The following ACTB variants were observed in gnomAD, a reference collection of about 807,000 sequenced individuals.
ACTB encodes actin beta.
A neutral mutation model predicts 30.5 loss-of-function variants in ACTB; 2 were observed. That is an observed-to-expected ratio of 0.07 (90% confidence interval 0.03 to 0.21). The LOEUF is 0.21. Among genes scored for constraint, ACTB ranks in the 10% least tolerant of loss-of-function variants. ACTB has a pLI of 1.00. For synonymous variants in ACTB, 335 were observed against 217.6 expected, an observed-to-expected ratio of 1.54 and a Z score of -4.75; for missense variants, 56 against 530.0, an observed-to-expected ratio of 0.11 and a Z score of 8.78.
chr7:5,528,978 A>G (rs2128241355), intron 3 of ACTB, 183 bp downstream of exon 3: 1 of 1,575,660 alleles, frequency 6.3e-7, no homozygotes, highest in African/African-American at 1.4e-5. Context: ...AGAGAGACAA[A>G]CACCAGAAAA....
At chr7:5,527,932 G>A (rs755943139) in intron 5 of ACTB, 41 bp from the exon 6 acceptor site, 1 of 1,613,046 alleles carries the variant, frequency 6.2e-7, no homozygotes, top group South Asian at 1.1e-5. Context: ...CCCTGGATGT[G>A]ACAGCTCCCC....
intron 1 of ACTB, among the ~76,000 whole-genome samples, chr7:5,530,151 C>A (rs1052307425): frequency 6.6e-6 from 1 of 152,012 alleles, no homozygotes; most frequent in Non-Finnish European, 1.5e-5. Context: ...GCAGTTAGCG[C>A]CCAAAGGACC....
At chr7:5,529,780 G>T in intron 1 of ACTB, 117 bp from the exon 2 acceptor site, 1 of 1,520,266 alleles carries the variant, frequency 6.6e-7, no homozygotes, top group Middle Eastern at 1.7e-4. Context: ...TGGGGACAAA[G>T]GAAGCCGGGC....
rs1009378776 is a variant in ACTB at position 5,527,906 on chromosome 7, G to GGA, written c.985-17_985-16dup. ...GGAGCAATGATCTGAGGAGGGAAGG[G>GGA]GACAGGCAGTGAGGACCCTGGATGT... is the stretch of plus-strand genomic sequence containing the variant. On this transcript the variant is annotated splice_polypyrimidine_tract_variant and intron_variant, in intron 5 of 5. Transcript: ENST00000646664. 1 of 1,612,858 alleles carries GGA rather than the reference G, an allele frequency of 6.2e-7. No individual in the cohort carries two copies. Among genetic ancestry groups the GGA allele is most frequent in the Non-Finnish European group, 8.5e-7 (1 of 1,179,042 alleles).
intron 1 of ACTB, 93 bp from the exon 2 acceptor site, chr7:5,529,756 G>A: frequency 1.9e-6 from 3 of 1,584,566 alleles, no homozygotes; most frequent in Non-Finnish European, 2.6e-6. Flanking sequence ...GGGGGCGCCG[G>A]CGCGCGCCCA....
rs1414665226 is a variant in ACTB, at chr7:5,529,550, C to T, written c.108G>A (p.Gly36=). Residue 36 remains glycine, a synonymous_variant, in exon 2 of 6, where the codon GGG becomes GGA. Transcript: ENST00000646664. ...GCTCCCCTACCTGGTGCCTGGGGCG[C>T]CCCACGATGGAGGGGAAGACGGCCC... ...APRAVFPSIV[G]RPRHQGVMVG... is the part of the protein sequence containing the mutation. The T allele has an allele frequency of 1.6e-5, 26 of 1,611,516 alleles. No individual in the cohort carries two copies. The highest frequency in any genetic ancestry group is 2.2e-5 in the Non-Finnish European group (26 of 1,179,286).
At chr7:5,530,071 G>A (rs558037270) in intron 1 of ACTB, 4 of 154,074 alleles carry the variant, frequency 2.6e-5, no homozygotes, top group East Asian at 3.8e-4. Context: ...CCGGGCCCCA[G>A]AACGCACGCG....
intron 1 of ACTB, 178 bp from the exon 2 acceptor site, chr7:5,529,841 G>A (rs1315973734): frequency 3.7e-6 from 4 of 1,089,994 alleles, no homozygotes; most frequent in South Asian, 2.7e-5. Flanking sequence ...GCGTCCCCGC[G>A]GCGCGCGGCA....
intron 2 of ACTB, 32 bp from the exon 3 acceptor site, chr7:5,529,432 C>G (rs762891443): frequency 6.2e-6 from 10 of 1,613,576 alleles, no homozygotes; most frequent in Non-Finnish European, 8.5e-6. Context: ...GCCCTGAGCA[C>G]GGGCGCAGCC....
At chr7:5,530,420 G>C (rs1784868849) in intron 1 of ACTB, 104 bp downstream of exon 1, 1 of 151,816 alleles carries the variant, frequency 6.6e-6, no homozygotes, top group Admixed American at 6.6e-5. Context: ...CCCCCCATGC[G>C]CCCCCCGCTG....
At chr7:5,529,051 A>C in intron 3 of ACTB, 110 bp downstream of exon 3, 1 of 1,613,050 alleles carries the variant, frequency 6.2e-7, no homozygotes, top group Non-Finnish European at 8.5e-7. Context: ...CAGGTCAGAG[A>C]AGAGAGTCCT....
chr7:5,530,282 G>GCCCCGAGAGCGGCAC (rs1784864462), intron 1 of ACTB, among the ~76,000 whole-genome samples: 1 of 151,894 alleles, frequency 6.6e-6, no homozygotes, highest in Non-Finnish European at 1.5e-5. Context: ...GGTTGCCCCC[G>GCCCCGAGAGCGGCAC]CCCCGAGAGC....
At position 5,528,861 on chromosome 7, in the gene ACTB, C is replaced by A. The variant is rs921677653; in HGVS notation, c.364-142G>T. The stretch of plus-strand genomic sequence containing the variant: ...GGGGAGTCTGTTCAGACCTACTGTG[C>A]ACCTACTTAATACACACTCCAAGGC... On this transcript the variant is annotated intron_variant, in intron 3 of 5. Transcript: ENST00000646664. 1.1e-5 allele frequency: 16 copies of A among 1,392,998 alleles called. No homozygotes were observed. The African/African-American group carries it at 1.7e-4, about 15-fold the overall frequency. The allele number at this position is 1,392,998 out of a possible 1,614,324, so 86.3% of individuals were successfully genotyped here.
At chr7:5,529,931 G>GCGCA (rs984320656) in intron 1 of ACTB, 2 of 375,774 alleles carry the variant, frequency 5.3e-6, no homozygotes, top group African/African-American at 4.5e-5. Flanking sequence ...GTCGGCGCGC[G>GCGCA]CGCACGCAGC....
chr7:5,530,466 CGCGGCCGCCT>C (rs1367007221), intron 1 of ACTB, 48 bp downstream of exon 1: 1 of 151,072 alleles, frequency 6.6e-6, no homozygotes, highest in Admixed American at 6.6e-5. Flanking sequence ...GCGAAGGGGC[CGCGGCCGCCT>C]GCGGCCGGGC....
chr7:5,530,132 A>G (rs1035104547), intron 1 of ACTB: 3 of 152,142 alleles, frequency 2.0e-5, no homozygotes, highest in Admixed American at 6.6e-5. Context: ...GCCAATTCCC[A>G]GCGCGCACGC....
Position 5,529,681 on chromosome 7 carries a change from C to T in ACTB, c.-6-18G>A. On this transcript the variant is annotated intron_variant, in intron 1 of 5. Transcript: ENST00000646664. ...ATGGTGAGCTGCGAGAATAGCCGGGCGCGCTGTGAGCCGAGGTCGCCCCCG... is the reference window on the plus strand; with the variant it reads ...ATGGTGAGCTGCGAGAATAGCCGGGTGCGCTGTGAGCCGAGGTCGCCCCCG... The T allele has an allele frequency of 1.2e-6, 2 of 1,611,248 alleles. No individual in the cohort carries two copies. Among genetic ancestry groups the T allele is most frequent in the East Asian group, 2.2e-5 (1 of 44,868 alleles).
chr7:5,530,149 C>G (rs1784859469), intron 1 of ACTB, among the ~76,000 whole-genome samples: 1 of 152,008 alleles, frequency 6.6e-6, no homozygotes, highest in African/African-American at 2.4e-5. Flanking sequence ...ACGCAGTTAG[C>G]GCCCAAAGGA....
Position 5,527,682 on chromosome 7 carries a change from A to G in ACTB, c.*66T>C. ...AAACAAATAAAGCCATGCCAATCTC[A>G]TCTTGTTTTCTGCGCAAGTTAGGTT... On this transcript the variant is annotated 3_prime_UTR_variant, in exon 6 of 6. Coordinates refer to ENST00000646664, the MANE Select transcript of ACTB (RefSeq NM_001101.5). 3.1e-6 allele frequency: 5 copies of G among 1,608,126 alleles called. No homozygotes were observed. The highest frequency in any genetic ancestry group is 4.3e-6 in the Non-Finnish European group (5 of 1,176,438).
Sources: allele counts gnomAD v4.1 joint callset (sites outside exome capture counted in the v4.1 genomes callset), GRCh38; gene constraint gnomAD v4.1.1; transcripts MANE v1.5; gene names NCBI Gene and HGNC (gene_info 2026-07-23, HGNC 2026-07-21).